ESPN: variants seen among roughly 807,000 people sequenced by gnomAD.
The protein encoded by ESPN is espin, also known as autosomal recessive deafness type 36 protein.
Under a neutral mutation model 77.7 loss-of-function variants are expected in ESPN, and 68 were observed. That is an observed-to-expected ratio of 0.87 (90% CI 0.72 to 1.07). The LOEUF is 1.07. Among genes scored for constraint, ESPN ranks in the 50% least tolerant of loss-of-function variants. The pLI is 0.00. For missense variants in ESPN, 1,060 were observed against 1,239.0 expected (o/e 0.86, Z 2.17); for synonymous variants, 449 against 567.1 (o/e 0.79, Z 2.96).
chr1:6,453,186 G>A (rs1222929380), intron 10 of ESPN, among the ~76,000 whole-genome samples: 9 of 152,230 alleles, frequency 5.9e-5, no homozygotes, highest in South Asian at 4.1e-4. Context: ...GAGCCACCAC[G>A]CCTGGCCCCC....
intron 2 of ESPN, among the ~76,000 whole-genome samples, chr1:6,432,291 C>T (rs752741899): frequency 6.6e-6 from 1 of 152,220 alleles, no homozygotes; most frequent in Non-Finnish European, 1.5e-5. Context: ...CACTAAGCCC[C>T]TGATTCTGCC....
chr1:6,456,941 C>T (rs1376139148), intron 10 of ESPN, among the ~76,000 whole-genome samples: 2 of 152,232 alleles, frequency 1.3e-5, no homozygotes, highest in Admixed American at 6.5e-5. Context: ...TACTTGTTCT[C>T]TGCTTCTGTC....
intron 5 of ESPN, 60 bp from the exon 6 acceptor site, chr1:6,444,421 C>G: frequency 6.4e-7 from 1 of 1,566,746 alleles, no homozygotes; most frequent in Admixed American, 1.7e-5. Flanking sequence ...GGACCCTGGC[C>G]TGGAGAGCAA....
chr1:6,444,617 C>A lies in ESPN; in HGVS notation c.1127C>A (p.Thr376Asn). Reference protein sequence around the residue: ...LNFDLSSPTSTLSNYDSCSSS... With the variant: ...LNFDLSSPTSNLSNYDSCSSS... The stretch of plus-strand genomic sequence containing the variant: ...TTTGACCTCAGCTCGCCTACCAGCA[C>A]CCTCTCCAACTACGACTCCTGCTCC... Residue 376 changes from threonine (T) to asparagine (N), a missense_variant, in exon 6 of 13, where the codon ACC becomes AAC. Coordinates refer to ENST00000645284, the MANE Select transcript of ESPN (RefSeq NM_031475.3). 1 of 1,614,200 alleles carries A rather than the reference C, an allele frequency of 6.2e-7. No homozygotes were observed. Among genetic ancestry groups the A allele is most frequent in the Non-Finnish European group, 8.5e-7 (1 of 1,180,032 alleles).
At chr1:6,435,998 G>C (rs1211016554) in intron 2 of ESPN, among the ~76,000 whole-genome samples, 1 of 152,222 alleles carries the variant, frequency 6.6e-6, no homozygotes, top group Admixed American at 6.5e-5. Context: ...ACTTGAGCCA[G>C]GTCCTCCTTA....
intron 1 of ESPN, among the ~76,000 whole-genome samples, chr1:6,426,862 C>T (rs1643055728): frequency 3.3e-5 from 5 of 152,134 alleles, no homozygotes; most frequent in Admixed American, 3.3e-4. Flanking sequence ...CTTTCTAGCA[C>T]ACAGGAGGGG....
At chr1:6,434,340 C>T (rs1643357043) in intron 2 of ESPN, among the ~76,000 whole-genome samples, 1 of 152,240 alleles carries the variant, frequency 6.6e-6, no homozygotes, top group African/African-American at 2.4e-5. Flanking sequence ...CAGCCAGGCC[C>T]TTCATCACAC....
Position 6,451,603 on chromosome 1 carries a change from G to A in ESPN, c.1916G>A (p.Ser639Asn). ...TGCCTCATCTCCTGCCTCCGCATAG[G>A]CACCAAGTCTTTCAACATGATGTCC... ...GQRRSSSSTGSTKSFNMMSPT... is the reference protein window; with the variant it reads ...GQRRSSSSTGNTKSFNMMSPT... The change falls in exon 9 of 13, where the codon AGC becomes AAC. Residue 639 changes from serine to asparagine, a missense_variant and splice_region_variant. Physicochemically the swap from Ser to Asn is conservative, Grantham distance 46. Coordinates refer to ENST00000645284, the MANE Select transcript of ESPN (RefSeq NM_031475.3). The surrounding 1 kb of genome is among the most constrained non-coding windows in gnomAD (Gnocchi z 4.3). 6.2e-7 allele frequency: 1 copy of A among 1,612,612 alleles called. No individual in the cohort carries two copies. Among genetic ancestry groups the A allele is most frequent in the Non-Finnish European group, 8.5e-7 (1 of 1,179,734 alleles).
intron 10 of ESPN, 104 bp downstream of exon 10, chr1:6,452,200 TTC>T (rs1351636108): frequency 1.5e-6 from 2 of 1,321,978 alleles, no homozygotes; most frequent in Admixed American, 2.8e-5. Flanking sequence ...CCCATTTTCT[TTC>T]TTTTTTTTTT....
intron 2 of ESPN, among the ~76,000 whole-genome samples, chr1:6,431,086 TGGG>T (rs1643228773): frequency 6.6e-6 from 1 of 152,182 alleles, no homozygotes; most frequent in South Asian, 2.1e-4. Flanking sequence ...CCTGAGCAGC[TGGG>T]CAGGGCTGTG....
Position 6,451,904 on chromosome 1 carries a change from GT to G in ESPN, c.2136del (p.Gln713SerfsTer45), listed in dbSNP as rs1482776671. On this transcript the variant is annotated frameshift_variant, in exon 10 of 13. Transcript: ENST00000645284. LOFTEE classifies it high-confidence loss of function. This position sits in a 1 kb window ranked among gnomAD's most constrained non-coding sequence, Gnocchi z 4.3. ...VRSPTPPAAG[F>X]QPLLNGSLVP... Reference sequence around the variant, plus strand: ...GGAGCCCCACACCGCCAGCTGCGGGGTTTCAGCCGCTGCTCAATGGAAGCTT... The same window carrying G: ...GGAGCCCCACACCGCCAGCTGCGGGGTTCAGCCGCTGCTCAATGGAAGCTT... The G allele has an allele frequency of 1.2e-6, 2 of 1,611,194 alleles. No homozygotes were observed. Among genetic ancestry groups the G allele is most frequent in the Non-Finnish European group, 1.7e-6 (2 of 1,179,020 alleles).
At chr1:6,434,495 G>T (rs1470137160) in intron 2 of ESPN, among the ~76,000 whole-genome samples, 1 of 152,126 alleles carries the variant, frequency 6.6e-6, no homozygotes, top group East Asian at 1.9e-4. Context: ...TGTCCACTCT[G>T]CCTATAGCTC....
At chr1:6,442,432 G>C (rs1643669964) in intron 5 of ESPN, among the ~76,000 whole-genome samples, 1 of 151,984 alleles carries the variant, frequency 6.6e-6, no homozygotes, top group African/African-American at 2.4e-5. Flanking sequence ...AATTTAGCCA[G>C]GTATGGTAGC....
chr1:6,433,453 A>G (rs1185350064), intron 2 of ESPN, among the ~76,000 whole-genome samples: 1 of 151,892 alleles, frequency 6.6e-6, no homozygotes, highest in African/African-American at 2.4e-5. Context: ...CAGGAGGAAA[A>G]AAAGTTAGCC....
Position 6,425,033 on chromosome 1 carries a change from C to T in ESPN, c.78C>T (p.Leu26=), listed in dbSNP as rs1642982867. 2.7e-6 allele frequency: 4 copies of T among 1,469,358 alleles called. No individual in the cohort carries two copies. The highest frequency in any genetic ancestry group is 2.4e-5 in the Admixed American group (1 of 41,092). The allele number at this position is 1,469,358 out of a possible 1,614,324, so 91.0% of individuals were successfully genotyped here. The stretch of plus-strand genomic sequence containing the variant: ...TGAGGTCGCTGCACGCCGCAGGCCT[C>T]CTGGGGCCCTCGCTGCGCGACCCGC... The part of the protein sequence containing the change: ...DVLRSLHAAG[L]LGPSLRDPLD... Residue 26 remains leucine, a synonymous_variant, in exon 1 of 13, where the codon CTC becomes CTT. Transcript: ENST00000645284.
rs576792474 is a variant in ESPN at position 6,450,346 on chromosome 1, G to A, written c.1915+1255G>A. On this transcript the variant is annotated intron_variant, in intron 8 of 12. Transcript: ENST00000645284. This position sits in a 1 kb window ranked among gnomAD's most constrained non-coding sequence, Gnocchi z 4.3. ...TCTCTTCTCCACTTCCCCCCCGCCC[G>A]CTCTCCCTGGCCCGCTCCCTGTCCC... 19 of 257,332 alleles carry A rather than the reference G, an allele frequency of 7.4e-5. No individual in the cohort carries two copies. The East Asian group carries it at 1.8e-3, about 24-fold the overall frequency. 15.9% of individuals were successfully genotyped at this position (257,332 alleles called of 1,614,324 possible).
intron 12 of ESPN, among the ~76,000 whole-genome samples, chr1:6,459,561 T>G (rs1212248464): frequency 6.6e-6 from 1 of 152,120 alleles, no homozygotes; most frequent in Non-Finnish European, 1.5e-5. Context: ...TTCTAATAAC[T>G]TGTCTCTAAT....
chr1:6,444,685 G>A lies in ESPN; in HGVS notation c.1192+3G>A. ...CAAGGGCCAGCACCCTCCATGTGGT[G>A]AGTGTGCCCAGGAGGAAGACGGGGA... On this transcript the variant is annotated splice_donor_region_variant and intron_variant, in intron 6 of 12. Coordinates refer to ENST00000645284, the MANE Select transcript of ESPN (RefSeq NM_031475.3). The A allele has an allele frequency of 6.2e-7, 1 of 1,614,140 alleles. No homozygotes were observed. The highest frequency in any genetic ancestry group is 8.5e-7 in the Non-Finnish European group (1 of 1,179,984).
At chr1:6,432,112 T>C (rs567261378) in intron 2 of ESPN, among the ~76,000 whole-genome samples, 2 of 152,320 alleles carry the variant, frequency 1.3e-5, no homozygotes, top group Non-Finnish European at 2.9e-5. Flanking sequence ...CAAGGCTTCA[T>C]GGAGCCTGGC....
Sources: allele counts gnomAD v4.1 joint callset (sites outside exome capture counted in the v4.1 genomes callset), GRCh38; gene constraint gnomAD v4.1.1; non-coding constraint Gnocchi (gnomAD v3.1); transcripts MANE v1.5; gene names NCBI Gene and HGNC (gene_info 2026-07-23, HGNC 2026-07-21).